SAMD12: variants seen among roughly 807,000 people sequenced by gnomAD.
The protein encoded by SAMD12 is sterile alpha motif domain-containing protein 12.
Under a neutral mutation model 15.0 loss-of-function variants are expected in SAMD12, and 9 were observed. That is an observed-to-expected ratio of 0.60 (90% CI 0.36 to 1.05). SAMD12 has a LOEUF of 1.05. Ranked by LOEUF, SAMD12 falls within the 50% of genes least tolerant of loss-of-function variation. The pLI is 0.01. For missense variants in SAMD12, 230 were observed against 234.2 expected (o/e 0.98, Z 0.12); for synonymous variants, 86 against 90.1 (o/e 0.96, Z 0.25).
chr8:118,188,724 G>A (rs1819286120), downstream of SAMD12, among the ~76,000 whole-genome samples: 1 of 152,142 alleles, frequency 6.6e-6, no homozygotes, highest in Non-Finnish European at 1.5e-5. Context: ...GTAGTTTAGA[G>A]CAGGAAAATG....
chr8:118,347,002 C>T (rs897000666), intron 4 of SAMD12, among the ~76,000 whole-genome samples: 5 of 152,204 alleles, frequency 3.3e-5, no homozygotes, highest in Non-Finnish European at 7.3e-5. Flanking sequence ...TTCCCGGACT[C>T]ATGGGATTCC....
chr8:118,472,886 G>A (rs199943245), intron 2 of SAMD12, among the ~76,000 whole-genome samples: 10 of 147,230 alleles, frequency 6.8e-5, no homozygotes, highest in Admixed American at 6.7e-5. Flanking sequence ...ATTTTGACAG[G>A]AAAAAAAAAA....
At chr8:118,438,147 C>T (rs1027992609) in intron 3 of SAMD12, among the ~76,000 whole-genome samples, 3 of 152,136 alleles carry the variant, frequency 2.0e-5, no homozygotes, top group Admixed American at 6.5e-5. Flanking sequence ...CACTTGGAAT[C>T]GAAGCTAAGT....
At chr8:118,394,759 T>G (rs1022692578) in intron 3 of SAMD12, 1 of 152,226 alleles carries the variant, frequency 6.6e-6, no homozygotes, top group African/African-American at 2.4e-5. Context: ...GATGATGGCT[T>G]TATCCTCTCA....
At chr8:118,163,823 C>G in the SAMD12 span, among the ~76,000 whole-genome samples, 60 of 151,974 alleles carry the variant, frequency 3.9e-4, no homozygotes, top group East Asian at 6.8e-3. Context: ...TGCAGTGAGC[C>G]GAGATCGCGC....
chr8:118,178,071 AGGT>A, the SAMD12 span, among the ~76,000 whole-genome samples: 1 of 152,260 alleles, frequency 6.6e-6, no homozygotes, highest in African/African-American at 2.4e-5. Flanking sequence ...TTGGCTATCC[AGGT>A]ATATTTGGGT....
At chr8:118,426,771 T>C (rs1039210150) in intron 3 of SAMD12, among the ~76,000 whole-genome samples, 19 of 152,110 alleles carry the variant, frequency 1.2e-4, no homozygotes, top group Non-Finnish European at 4.4e-5. Flanking sequence ...AAAAATAATG[T>C]ATGTTTTTCT....
intron 3 of SAMD12, among the ~76,000 whole-genome samples, chr8:118,410,146 A>G (rs569803488): frequency 6.6e-6 from 1 of 152,350 alleles, no homozygotes; most frequent in East Asian, 1.9e-4. Flanking sequence ...GATAAAGAGT[A>G]TATCTAAGGC....
At chr8:118,522,436 G>C (rs1333796947) in intron 2 of SAMD12, among the ~76,000 whole-genome samples, 1 of 152,092 alleles carries the variant, frequency 6.6e-6, no homozygotes, top group Non-Finnish European at 1.5e-5. Flanking sequence ...TTAAGAATGA[G>C]TGCCCACACA....
chr8:118,197,151 G>A (rs1290337364), exon 5 of SAMD12: 2 of 152,598 alleles, frequency 1.3e-5, no homozygotes, highest in Non-Finnish European at 2.9e-5. Context: ...TGCTGAATGT[G>A]CTGATTCATC....
At chr8:118,184,587 C>T (rs1054045270), downstream of SAMD12, among the ~76,000 whole-genome samples, 1 of 152,134 alleles carries the variant, frequency 6.6e-6, no homozygotes, top group Non-Finnish European at 1.5e-5. Context: ...CCTCCGGCTC[C>T]CCAGTTCGAG....
intron 4 of SAMD12, among the ~76,000 whole-genome samples, chr8:118,222,563 T>A (rs1308622710): frequency 6.6e-6 from 1 of 152,196 alleles, no homozygotes; most frequent in East Asian, 1.9e-4. Flanking sequence ...TGGAGTGCAA[T>A]GCCTCAATCT....
intron 2 of SAMD12, among the ~76,000 whole-genome samples, chr8:118,456,395 T>G (rs993559742): frequency 6.6e-6 from 1 of 152,222 alleles, no homozygotes; most frequent in East Asian, 1.9e-4. Flanking sequence ...CTTATGGTGA[T>G]CTGATATTTT....
At chr8:118,162,031 A>T in the SAMD12 span, among the ~76,000 whole-genome samples, 2 of 150,728 alleles carry the variant, frequency 1.3e-5, no homozygotes, top group African/African-American at 4.9e-5. Flanking sequence ...ATGGTGGCGC[A>T]TGCCTGTAGT....
intron 1 of SAMD12, among the ~76,000 whole-genome samples, chr8:118,583,964 C>T (rs1403935928): frequency 1.3e-5 from 2 of 152,204 alleles, no homozygotes; most frequent in Admixed American, 6.5e-5. Context: ...ACATAAGAGA[C>T]ATTAAGGAAA....
intron 3 of SAMD12, among the ~76,000 whole-genome samples, chr8:118,382,035 C>A (rs981096820): frequency 1.3e-5 from 2 of 152,170 alleles, no homozygotes; most frequent in African/African-American, 4.8e-5. Context: ...ACTGTCAGAC[C>A]TTAGTCCAGA....
intron 4 of SAMD12, among the ~76,000 whole-genome samples, chr8:118,266,464 T>C (rs1035126647): frequency 3.3e-5 from 5 of 152,282 alleles, no homozygotes; most frequent in African/African-American, 1.2e-4. Flanking sequence ...AATTACCATA[T>C]AATCTAACAA....
chr8:118,492,413 A>G (rs1052134419), intron 2 of SAMD12, among the ~76,000 whole-genome samples: 1 of 152,200 alleles, frequency 6.6e-6, no homozygotes. Context: ...TAGGCTGTAC[A>G]AATAAAGTGT....
At chr8:118,439,766 T>C in intron 3 of SAMD12, 66 bp downstream of exon 3, 3 of 1,502,254 alleles carry the variant, frequency 2.0e-6, no homozygotes, top group African/African-American at 1.4e-5. Context: ...GGTAAGGGTA[T>C]GGGAAAGGCT....
Sources: gnomAD v4.1 joint callset for allele counts (sites outside exome capture counted in the v4.1 genomes callset) on GRCh38, gnomAD v4.1.1 for gene constraint, MANE v1.5 for transcripts, NCBI Gene and HGNC (gene_info 2026-07-23, HGNC 2026-07-21) for gene names.